PRMT8: variants seen among roughly 807,000 people sequenced by gnomAD.
PRMT8 encodes protein arginine methyltransferase 8, also known as protein arginine N-methyltransferase 8.
In PRMT8, 7 loss-of-function variants were observed where a neutral mutation model predicts 47.1. The observed-to-expected ratio is 0.15, with a 90% CI of 0.08 to 0.28. The LOEUF is 0.28. PRMT8 is among the 10% of genes least tolerant of loss of function. The probability of loss-of-function intolerance (pLI) is 1.00; values close to 1 mark genes in which losing one functional copy is unlikely to be tolerated. For missense variants in PRMT8, 237 were observed against 505.4 expected, an observed-to-expected ratio of 0.47 and a Z score of 5.09; for synonymous variants, 188 against 186.5, an observed-to-expected ratio of 1.01 and a Z score of -0.07.
At chr12:3,498,983 G>C (rs1031694046) in intron 1 of PRMT8, among the ~76,000 whole-genome samples, 1 of 152,002 alleles carries the variant, frequency 6.6e-6, no homozygotes, top group Non-Finnish European at 1.5e-5. Flanking sequence ...ACGATGCTCA[G>C]CCTTCCTTGG....
At position 3,436,488 on chromosome 12, in the gene PRMT8, CT is replaced by C. The variant is rs897226569; in HGVS notation, c.48+55055del. On this transcript the variant is annotated intron_variant, in intron 1 of 9. Transcript: ENST00000452611. The surrounding 1 kb of genome is among the most constrained non-coding windows in gnomAD (Gnocchi z 4.2). ...TAGCTGCTTTCTTTCTTTCTTTTTT[CT>C]TTTTTTTTATGAGCTGCTATTGTCA... Among the ~76,000 whole-genome samples the C allele has an allele frequency of 7.3e-5, 11 of 151,258 alleles. No individual in the cohort carries two copies. The highest frequency in any genetic ancestry group is 1.5e-4 in the African/African-American group (6 of 41,232).
chr12:3,540,245 C>T (rs113924648), intron 1 of PRMT8, among the ~76,000 whole-genome samples: 4,241 of 152,320 alleles, frequency 0.028, 107 homozygotes, highest in Non-Finnish European at 0.04. Context: ...CCATGCTGTG[C>T]TATGCATCTT....
At chr12:3,482,357 G>A (rs1445399235) in intron 1 of PRMT8, among the ~76,000 whole-genome samples, 1 of 152,226 alleles carries the variant, frequency 6.6e-6, no homozygotes, top group Admixed American at 6.5e-5. Context: ...CCAGCCACTT[G>A]CCAAGGTGCT....
At chr12:3,532,351 T>G (rs1866044736) in intron 1 of PRMT8, among the ~76,000 whole-genome samples, 1 of 149,828 alleles carries the variant, frequency 6.7e-6, no homozygotes, top group Non-Finnish European at 1.5e-5. Context: ...ATTCTCTTTA[T>G]GTAATCCCAG....
chr12:3,519,463 G>A (rs1255921340), intron 1 of PRMT8, among the ~76,000 whole-genome samples: 2 of 152,196 alleles, frequency 1.3e-5, no homozygotes, highest in Non-Finnish European at 2.9e-5. Context: ...GCGGGACAGG[G>A]CCCAGGAACT....
chr12:3,560,036 C>A (rs12424405), intron 4 of PRMT8, among the ~76,000 whole-genome samples: 42,157 of 151,950 alleles, frequency 0.28, 6,077 homozygotes, highest in East Asian at 0.46. Flanking sequence ...GGAGGAGGGA[C>A]CTCCAGGTCC....
At chr12:3,506,126 G>A (rs1173991763) in intron 1 of PRMT8, among the ~76,000 whole-genome samples, 1 of 152,204 alleles carries the variant, frequency 6.6e-6, no homozygotes, top group Non-Finnish European at 1.5e-5. Context: ...TTCAAGCTCA[G>A]CTCTGCTGCT....
chr12:3,543,312 G>A (rs942941580), intron 2 of PRMT8, among the ~76,000 whole-genome samples: 5 of 152,190 alleles, frequency 3.3e-5, no homozygotes, highest in Non-Finnish European at 5.9e-5. Context: ...TGGGGGGCAC[G>A]TGGAAGAACT....
In PRMT8 at chr12:3,468,076, C is replaced by T. The variant is rs962925825; in HGVS notation, c.49-72530C>T. Among the ~76,000 whole-genome samples the T allele has an allele frequency of 3.3e-5, 5 of 152,196 alleles. No individual in the cohort carries two copies. The East Asian group carries it at 9.6e-4, about 29-fold the overall frequency. On this transcript the variant is annotated intron_variant, in intron 1 of 9. Coordinates refer to the PRMT8 transcript ENST00000452611. ...GGCTGAACCAAGTTGGGTTTATTAA[C>T]GTGTTGCACAAAGGAAGAATGTCCA...
intron 1 of PRMT8, among the ~76,000 whole-genome samples, chr12:3,401,674 C>T (rs115274010): frequency 0.023 from 3,460 of 152,132 alleles, 126 homozygotes; most frequent in African/African-American, 0.074. Flanking sequence ...CATTCTTATA[C>T]GCCAACAACA....
At chr12:3,577,136 C>G (rs879129959) in intron 7 of PRMT8, 150 bp downstream of exon 7, 1 of 651,034 alleles carries the variant, frequency 1.5e-6, no homozygotes, top group South Asian at 1.9e-5. Context: ...AAGCTCAAGT[C>G]AAAAGCTGGC....
intron 1 of PRMT8, among the ~76,000 whole-genome samples, chr12:3,507,314 C>G (rs7311181): frequency 0.16 from 24,331 of 151,670 alleles, 3,308 homozygotes; most frequent in African/African-American, 0.37. Flanking sequence ...GTAGAGATGG[C>G]GTTTCACCGT....
At chr12:3,433,048 C>A (rs1864700073) in intron 1 of PRMT8, among the ~76,000 whole-genome samples, 1 of 152,164 alleles carries the variant, frequency 6.6e-6, no homozygotes, top group Non-Finnish European at 1.5e-5. Context: ...CCAGGATGTG[C>A]AATTTACAGC....
upstream of PRMT8, among the ~76,000 whole-genome samples, chr12:3,486,270 G>A (rs1865322655): frequency 6.6e-6 from 1 of 152,046 alleles, no homozygotes; most frequent in Admixed American, 6.5e-5. Context: ...CTGACTGTAA[G>A]CCATTGATTA....
intron 1 of PRMT8, among the ~76,000 whole-genome samples, chr12:3,424,303 C>T (rs933670274): frequency 6.6e-6 from 1 of 152,094 alleles, no homozygotes; most frequent in African/African-American, 2.4e-5. Context: ...TTACATTGTC[C>T]CTTAGTACAG....
At chr12:3,412,396 C>A (rs894397938) in intron 1 of PRMT8, among the ~76,000 whole-genome samples, 1 of 152,224 alleles carries the variant, frequency 6.6e-6, no homozygotes, top group Non-Finnish European at 1.5e-5. Flanking sequence ...TTTACAAACA[C>A]TACACTTAGG....
chr12:3,523,696 T>C (rs1340737093), intron 1 of PRMT8, among the ~76,000 whole-genome samples: 1 of 152,214 alleles, frequency 6.6e-6, no homozygotes, highest in Non-Finnish European at 1.5e-5. Flanking sequence ...CTGTTTCCCC[T>C]GAAATGGAAT....
At chr12:3,490,637 C>T (rs1465769419), upstream of PRMT8, among the ~76,000 whole-genome samples, 1 of 142,392 alleles carries the variant, frequency 7.0e-6, no homozygotes, top group Non-Finnish European at 1.5e-5. Context: ...TCCCTCTCAG[C>T]CTGAAAGGGG....
At chr12:3,403,576 T>C (rs1275006279) in intron 1 of PRMT8, among the ~76,000 whole-genome samples, 1 of 151,806 alleles carries the variant, frequency 6.6e-6, no homozygotes, top group Non-Finnish European at 1.5e-5. Flanking sequence ...GTAATGTTTA[T>C]AATAGAGAAA....
Sources: allele counts gnomAD v4.1 joint callset (sites outside exome capture counted in the v4.1 genomes callset), GRCh38; gene constraint gnomAD v4.1.1; non-coding constraint Gnocchi (gnomAD v3.1); transcripts MANE v1.5; gene names NCBI Gene and HGNC (gene_info 2026-07-23, HGNC 2026-07-21).